The following JAKMIP2 variants were observed in gnomAD, a reference collection of about 807,000 sequenced individuals.
JAKMIP2 encodes janus kinase and microtubule-interacting protein 2.
A neutral mutation model predicts 115.0 loss-of-function variants in JAKMIP2; 25 were observed. The observed-to-expected ratio is 0.22, with a 90% CI of 0.16 to 0.30. The LOEUF is 0.30. Among genes scored for constraint, JAKMIP2 ranks in the 10% least tolerant of loss-of-function variants. JAKMIP2 has a pLI of 1.00. For synonymous variants in JAKMIP2, 334 were observed against 343.6 expected, an observed-to-expected ratio of 0.97 and a Z score of 0.31; for missense variants, 642 against 957.6, an observed-to-expected ratio of 0.67 and a Z score of 4.35.
At position 147,589,201 on chromosome 5, in the gene JAKMIP2, C is replaced by A. The variant is rs922340889; in HGVS notation, c.*2506G>T. Reference sequence around the variant, plus strand: ...GTGGCTTACACCTGTAATCCTAGCACTTTGGGAGGCTGAGGCAGGCAGATC... The same window carrying A: ...GTGGCTTACACCTGTAATCCTAGCAATTTGGGAGGCTGAGGCAGGCAGATC... On this transcript the variant is annotated 3_prime_UTR_variant, in exon 22 of 22. Transcript: ENST00000616793. 6.6e-6 allele frequency: 1 copy of A among 152,240 alleles called. No individual in the cohort carries two copies. Among genetic ancestry groups the A allele is most frequent in the Non-Finnish European group, 1.5e-5 (1 of 68,158 alleles). 9.4% of individuals were successfully genotyped at this position (152,240 alleles called of 1,614,324 possible).
intron 2 of JAKMIP2, among the ~76,000 whole-genome samples, chr5:147,662,161 T>TACACACACACACACACACACACAC (rs61492351): frequency 1.4e-5 from 2 of 147,046 alleles, no homozygotes; most frequent in African/African-American, 5.1e-5. Flanking sequence ...CCCCAAGTTT[T>TACACACACACACACACACACACAC]ACACACACAC....
At chr5:147,757,867 A>G (rs973748221) in intron 1 of JAKMIP2, among the ~76,000 whole-genome samples, 6 of 152,148 alleles carry the variant, frequency 3.9e-5, no homozygotes, top group Admixed American at 3.9e-4. Flanking sequence ...AAAATTTGAC[A>G]TATATGGAAT....
At chr5:147,702,611 A>AGAAAGAAAGAAAGAAG (rs1752394580) in intron 1 of JAKMIP2, among the ~76,000 whole-genome samples, 3 of 33,454 alleles carry the variant, frequency 9.0e-5, no homozygotes, top group East Asian at 7.2e-4. Flanking sequence ...AAGGAAAGAA[A>AGAAAGAAAGAAAGAAG]GAAAGAAAGA....
At chr5:147,675,972 T>C (rs4705190) in intron 1 of JAKMIP2, among the ~76,000 whole-genome samples, 11,540 of 152,186 alleles carry the variant, frequency 0.076, 560 homozygotes, top group Middle Eastern at 0.17. Context: ...TTTGTGTAAG[T>C]GGCTTAAGGT....
chr5:147,683,818 T>A (rs1386649524), intron 1 of JAKMIP2, among the ~76,000 whole-genome samples: 1 of 152,206 alleles, frequency 6.6e-6, no homozygotes, highest in Non-Finnish European at 1.5e-5. Context: ...TATAAAGATG[T>A]ATACAGATTA....
At chr5:147,617,807 G>T in intron 19 of JAKMIP2, 104 bp downstream of exon 19, 1 of 794,218 alleles carries the variant, frequency 1.3e-6, no homozygotes, top group Non-Finnish European at 2.1e-6. Context: ...AAAATAACTT[G>T]TATCTCCTGG....
chr5:147,765,107 T>A (rs1755109875), intron 1 of JAKMIP2, among the ~76,000 whole-genome samples: 1 of 150,548 alleles, frequency 6.6e-6, no homozygotes, highest in Non-Finnish European at 1.5e-5. Context: ...ATGCTCATAA[T>A]AGATACATTA....
chr5:147,780,940 C>T (rs932631197), intron 1 of JAKMIP2, among the ~76,000 whole-genome samples: 5 of 152,008 alleles, frequency 3.3e-5, no homozygotes, highest in Non-Finnish European at 7.4e-5. Flanking sequence ...TACACTTTAC[C>T]TACATAATTT....
chr5:147,731,553 T>C (rs982581476), intron 1 of JAKMIP2, among the ~76,000 whole-genome samples: 4 of 152,230 alleles, frequency 2.6e-5, no homozygotes, highest in Non-Finnish European at 5.9e-5. Flanking sequence ...CTTAAATTAA[T>C]GGTCATGTTT....
intron 1 of JAKMIP2, among the ~76,000 whole-genome samples, chr5:147,756,924 C>G (rs1754764464): frequency 6.6e-6 from 1 of 152,158 alleles, no homozygotes; most frequent in African/African-American, 2.4e-5. Context: ...TAGATGCTGT[C>G]ATATTTTATA....
chr5:147,719,271 T>C (rs1045744823), intron 1 of JAKMIP2, among the ~76,000 whole-genome samples: 2 of 135,002 alleles, frequency 1.5e-5, no homozygotes, highest in African/African-American at 6.2e-5. Flanking sequence ...CTTCCAACTA[T>C]GTGGTCAATT....
intron 1 of JAKMIP2, among the ~76,000 whole-genome samples, chr5:147,681,182 C>A (rs1760249876): frequency 6.6e-6 from 1 of 152,116 alleles, no homozygotes; most frequent in Non-Finnish European, 1.5e-5. Flanking sequence ...AAATATGCTT[C>A]ATAAAGTATG....
intron 6 of JAKMIP2, 46 bp from the exon 7 acceptor site, chr5:147,644,244 C>G: frequency 1.4e-6 from 2 of 1,453,726 alleles, no homozygotes; most frequent in Non-Finnish European, 9.2e-7. Flanking sequence ...TTAAAAACCT[C>G]AAACTTTGGT....
At chr5:147,702,662 A>AAGAG (rs778480596) in intron 1 of JAKMIP2, among the ~76,000 whole-genome samples, 4 of 104,974 alleles carry the variant, frequency 3.8e-5, no homozygotes, top group Non-Finnish European at 7.3e-5. Flanking sequence ...GAAAGAAAGA[A>AAGAG]AGAGAGAGAA....
At chr5:147,687,605 A>C (rs1164947904) in intron 1 of JAKMIP2, among the ~76,000 whole-genome samples, 1 of 152,176 alleles carries the variant, frequency 6.6e-6, no homozygotes, top group Non-Finnish European at 1.5e-5. Flanking sequence ...ATTAGCTTGG[A>C]GTTGCAGGTA....
At chr5:147,621,059 G>A (rs929969440) in intron 17 of JAKMIP2, among the ~76,000 whole-genome samples, 1 of 152,182 alleles carries the variant, frequency 6.6e-6, no homozygotes, top group Non-Finnish European at 1.5e-5. Context: ...CTATGTAAAA[G>A]TATTATGATA....
chr5:147,650,785 G>T (rs1758359491), intron 3 of JAKMIP2, among the ~76,000 whole-genome samples: 1 of 152,086 alleles, frequency 6.6e-6, no homozygotes, highest in Admixed American at 6.6e-5. Flanking sequence ...CTGTGAAGAT[G>T]TTTTGACTCA....
At chr5:147,713,627 ATGAGATTATAAAGAATTACCAGGC>A (rs1372439651) in intron 1 of JAKMIP2, among the ~76,000 whole-genome samples, 1 of 152,188 alleles carries the variant, frequency 6.6e-6, no homozygotes, top group East Asian at 1.9e-4. Context: ...TAAAGAACAC[ATGAGATTATAAAGAATTACCAGGC>A]TGAGATCTGA....
chr5:147,734,651 A>C (rs1561566916), intron 1 of JAKMIP2, among the ~76,000 whole-genome samples: 1 of 143,504 alleles, frequency 7.0e-6, no homozygotes, highest in African/African-American at 2.7e-5. Flanking sequence ...ATACTATAAT[A>C]CAAAAAAAAA....
Sources: allele counts gnomAD v4.1 joint callset (sites outside exome capture counted in the v4.1 genomes callset), GRCh38; gene constraint gnomAD v4.1.1; transcripts MANE v1.5; gene names NCBI Gene and HGNC (gene_info 2026-07-23, HGNC 2026-07-21).